The following RHBDD1 variants were observed in gnomAD, a reference collection of about 807,000 sequenced individuals.
The protein encoded by RHBDD1 is rhomboid-related protein 4.
A neutral mutation model predicts 36.3 loss-of-function variants in RHBDD1; 38 were observed. The ratio of observed to expected loss-of-function variants is 1.05; its 90% CI spans 0.81 to 1.37. The LOEUF is 1.37. Among genes scored for constraint, RHBDD1 ranks in the 40% most tolerant of loss-of-function variants. The pLI is 0.00. For synonymous variants in RHBDD1, 151 were observed against 136.5 expected (o/e 1.11, Z -0.74); for missense variants, 393 against 377.6 (o/e 1.04, Z -0.34).
At chr2:226,921,299 C>CT (rs1949293672) in intron 8 of RHBDD1, among the ~76,000 whole-genome samples, 1 of 151,960 alleles carries the variant, frequency 6.6e-6, no homozygotes, top group Admixed American at 6.6e-5. Flanking sequence ...CAAAGAACAA[C>CT]TTTTTGTCAT....
At chr2:226,983,787 T>G (rs1232826773) in intron 8 of RHBDD1, among the ~76,000 whole-genome samples, 1 of 152,214 alleles carries the variant, frequency 6.6e-6, no homozygotes, top group Non-Finnish European at 1.5e-5. Context: ...CCCTTGATCC[T>G]TGGTTTGAAG....
intron 5 of RHBDD1, among the ~76,000 whole-genome samples, chr2:226,880,798 G>T (rs923935519): frequency 1.3e-5 from 2 of 152,136 alleles, no homozygotes; most frequent in African/African-American, 4.8e-5. Flanking sequence ...TTAAAAACTG[G>T]TTGAATTACA....
At chr2:226,866,788 A>G (rs1372154515) in intron 4 of RHBDD1, among the ~76,000 whole-genome samples, 1 of 152,224 alleles carries the variant, frequency 6.6e-6, no homozygotes, top group East Asian at 1.9e-4. Context: ...GAAAGAATAT[A>G]TGCCCTGTCT....
intron 3 of RHBDD1, among the ~76,000 whole-genome samples, chr2:226,852,040 C>A (rs765781285): frequency 6.6e-6 from 1 of 152,112 alleles, no homozygotes; most frequent in Non-Finnish European, 1.5e-5. Flanking sequence ...TACTTTCTAC[C>A]CTGCCATATT....
intron 3 of RHBDD1, among the ~76,000 whole-genome samples, chr2:226,850,465 C>T (rs1207509513): frequency 6.6e-6 from 1 of 151,950 alleles, no homozygotes; most frequent in East Asian, 1.9e-4. Context: ...TAAAACTGTT[C>T]GGGTTGGATT....
At position 226,929,594 on chromosome 2, in the gene RHBDD1, A is replaced by G. The variant is rs137916063; in HGVS notation, c.856+15243A>G. Among the ~76,000 whole-genome samples the G allele has an allele frequency of 9.2e-3, 1,402 of 152,214 alleles. 16 individuals are homozygous for G. Among genetic ancestry groups the G allele is most frequent in the Non-Finnish European group, 0.012 (809 of 67,944 alleles). The stretch of plus-strand genomic sequence containing the variant: ...AGAATTCCCTCTAAGAACTGGAACA[A>G]GATAAGGATGCCCGCTTTCACCACT... On this transcript the variant is annotated intron_variant, in intron 8 of 8. Transcript: ENST00000392062.
the RHBDD1 span, among the ~76,000 whole-genome samples, chr2:226,818,568 T>C: frequency 6.7e-6 from 1 of 148,552 alleles, no homozygotes; most frequent in Non-Finnish European, 1.5e-5. Flanking sequence ...TGGCCGGGTG[T>C]GGTGGCTCAC....
chr2:226,838,228 C>G (rs1001569644), intron 2 of RHBDD1, 74 bp downstream of exon 2: 40 of 152,170 alleles, frequency 2.6e-4, no homozygotes, highest in African/African-American at 9.7e-4. Flanking sequence ...ACCATGGCTC[C>G]TGGATATTGA....
chr2:226,921,394 TCTTG>T (rs1949304459), intron 8 of RHBDD1, among the ~76,000 whole-genome samples: 1 of 152,228 alleles, frequency 6.6e-6, no homozygotes, highest in African/African-American at 2.4e-5. Context: ...TTTTGTTAGC[TCTTG>T]CTTTTCCAGT....
At chr2:226,976,520 T>C (rs908503905) in intron 8 of RHBDD1, among the ~76,000 whole-genome samples, 10 of 152,114 alleles carry the variant, frequency 6.6e-5, no homozygotes, top group African/African-American at 2.4e-4. Flanking sequence ...GACTATCCCA[T>C]CTTCACTGTG....
chr2:226,929,995 CAAAT>C (rs1949923166), intron 8 of RHBDD1, among the ~76,000 whole-genome samples: 2 of 151,870 alleles, frequency 1.3e-5, no homozygotes, highest in African/African-American at 2.4e-5. Context: ...AAATACTACT[CAAAT>C]AAATCATAGA....
At chr2:226,989,918 G>C (rs985510085) in intron 8 of RHBDD1, among the ~76,000 whole-genome samples, 2 of 152,174 alleles carry the variant, frequency 1.3e-5, no homozygotes, top group African/African-American at 2.4e-5. Flanking sequence ...TGAGATTCCA[G>C]ATATTATTTC....
intron 6 of RHBDD1, 78 bp from the exon 7 acceptor site, chr2:226,908,744 G>A (rs916334752): frequency 3.1e-6 from 3 of 964,550 alleles, no homozygotes; most frequent in Admixed American, 1.8e-5. Context: ...TTTGTCCAGA[G>A]AACTTTCTAA....
the RHBDD1 span, among the ~76,000 whole-genome samples, chr2:226,805,449 GTAATCCACCCGCC>G: frequency 6.6e-6 from 1 of 152,284 alleles, no homozygotes; most frequent in South Asian, 2.1e-4. Context: ...CTGACCTCAG[GTAATCCACCCGCC>G]TTGGCCTCCC....
At chr2:226,810,317 A>G in the RHBDD1 span, among the ~76,000 whole-genome samples, 1 of 152,080 alleles carries the variant, frequency 6.6e-6, no homozygotes, top group Admixed American at 6.5e-5. Flanking sequence ...AGGTGGGTGG[A>G]ACACCTAAGG....
chr2:226,948,111 T>G (rs1457501783), intron 8 of RHBDD1, among the ~76,000 whole-genome samples: 2 of 151,610 alleles, frequency 1.3e-5, no homozygotes, highest in Non-Finnish European at 2.9e-5. Context: ...TAAAGACACA[T>G]GCACACTTAT....
intron 8 of RHBDD1, among the ~76,000 whole-genome samples, chr2:226,970,467 G>A (rs754175051): frequency 6.6e-6 from 1 of 152,062 alleles, no homozygotes; most frequent in Non-Finnish European, 1.5e-5. Flanking sequence ...TGTACATGAA[G>A]CATCCTGGTT....
chr2:226,953,799 A>G (rs1251985110), intron 8 of RHBDD1, among the ~76,000 whole-genome samples: 3 of 152,202 alleles, frequency 2.0e-5, no homozygotes, highest in African/African-American at 7.2e-5. Flanking sequence ...TTAAGTTTTA[A>G]TGGGTTCCAG....
intron 3 of RHBDD1, among the ~76,000 whole-genome samples, chr2:226,844,068 T>A (rs1941954744): frequency 6.6e-6 from 1 of 152,198 alleles, no homozygotes; most frequent in African/African-American, 2.4e-5. Flanking sequence ...TGCATAAAGG[T>A]CAGCAGCTAA....
Sources: gnomAD v4.1 joint callset for allele counts (sites outside exome capture counted in the v4.1 genomes callset) on GRCh38, gnomAD v4.1.1 for gene constraint, MANE v1.5 for transcripts, NCBI Gene and HGNC (gene_info 2026-07-23, HGNC 2026-07-21) for gene names.